Variants in ZNF724 observed in about 807,000 individuals in gnomAD.
ZNF724 encodes the protein zinc finger protein 724, also known as zinc finger protein 724 pseudogene.
In ZNF724, 14 loss-of-function variants were observed where a neutral mutation model predicts 29.3. The ratio of observed to expected loss-of-function variants is 0.48; its 90% CI spans 0.32 to 0.75. The LOEUF is 0.75. Ranked by LOEUF, ZNF724 falls within the 30% of genes least tolerant of loss-of-function variation. ZNF724 has a pLI of 0.04. For missense variants in ZNF724, 557 were observed against 571.2 expected, an observed-to-expected ratio of 0.98 and a Z score of 0.25; for synonymous variants, 180 against 193.6, an observed-to-expected ratio of 0.93 and a Z score of 0.58.
chr19:23,238,699 G>A (rs1972064158), intron 1 of ZNF724, among the ~76,000 whole-genome samples: 1 of 152,168 alleles, frequency 6.6e-6, no homozygotes, highest in African/African-American at 2.4e-5. Flanking sequence ...TAGATCACTT[G>A]AGGTCAGAAG....
At chr19:23,241,031 TCAACAA>T (rs759872431) in intron 1 of ZNF724, among the ~76,000 whole-genome samples, 2 of 151,358 alleles carry the variant, frequency 1.3e-5, no homozygotes, top group South Asian at 2.1e-4. Context: ...AGACTCCATC[TCAACAA>T]CAACAACAAC....
At chr19:23,232,094 A>G in intron 2 of ZNF724, 73 bp downstream of exon 2, 1 of 1,163,562 alleles carries the variant, frequency 8.6e-7, no homozygotes, top group Non-Finnish European at 1.3e-6. Context: ...ATCAATTACC[A>G]AAAAACATCC....
At chr19:23,228,229 C>G (rs1455730991) in intron 3 of ZNF724, among the ~76,000 whole-genome samples, 2 of 152,014 alleles carry the variant, frequency 1.3e-5, no homozygotes, top group Non-Finnish European at 2.9e-5. Context: ...ACAGGTGGGT[C>G]ACCTGAGGTC....
At chr19:23,244,861 A>G (rs928637739) in intron 1 of ZNF724, among the ~76,000 whole-genome samples, 1 of 152,230 alleles carries the variant, frequency 6.6e-6, no homozygotes, top group South Asian at 2.1e-4. Context: ...CTCAAGTTCA[A>G]TAACTTAATA....
chr19:23,224,360 C>G (rs1971785118), intron 3 of ZNF724, among the ~76,000 whole-genome samples: 1 of 152,052 alleles, frequency 6.6e-6, no homozygotes, highest in Non-Finnish European at 1.5e-5. Context: ...TTGCAGTGAG[C>G]TGATATCACA....
chr19:23,244,513 A>G (rs1236268056), intron 1 of ZNF724, among the ~76,000 whole-genome samples: 1 of 152,190 alleles, frequency 6.6e-6, no homozygotes, highest in Non-Finnish European at 1.5e-5. Flanking sequence ...CTGGAATCAG[A>G]AAACAATGGG....
chr19:23,231,603 A>T (rs1971934647), intron 2 of ZNF724, among the ~76,000 whole-genome samples: 1 of 152,190 alleles, frequency 6.6e-6, no homozygotes, highest in African/African-American at 2.4e-5. Context: ...ATTTTATGCC[A>T]CTAAATTTCT....
In ZNF724 at chr19:23,223,166, T is replaced by C. The variant is rs1199147320; in HGVS notation, c.1079A>G (p.His360Arg). ...ACATTTGTAAGGTTTCTCTCCAGTA[T>C]GAATTCTCTTATGTTGAGTAAGGGT... Reference protein sequence around the residue: ...SSTLTQHKRIHTGEKPYKCEE... With the variant: ...SSTLTQHKRIRTGEKPYKCEE... The change falls in exon 4 of 4, where the codon CAT becomes CGT. Residue 360 changes from histidine (H) to arginine (R), a missense_variant. By Grantham distance (29) the His-to-Arg change is conservative (BLOSUM62 0). Coordinates refer to ENST00000418100, the MANE Select transcript of ZNF724 (RefSeq NM_001355404.2). The C allele has an allele frequency of 1.6e-6, 2 of 1,281,760 alleles. No homozygotes were observed. The highest frequency in any genetic ancestry group is 1.2e-5 in the South Asian group (1 of 84,096). 79.4% of individuals were successfully genotyped at this position (1,281,760 alleles called of 1,614,324 possible). A position where few individuals can be genotyped will look rare whatever the true frequency, so the allele number is the denominator to read the frequency against.
intron 1 of ZNF724, among the ~76,000 whole-genome samples, chr19:23,239,908 G>T (rs895195587): frequency 3.3e-4 from 48 of 147,422 alleles, no homozygotes; most frequent in African/African-American, 1.3e-3. Flanking sequence ...GAAATGAAAA[G>T]TCATAGAAAA....
At chr19:23,230,485 C>T (rs1258025056) in intron 3 of ZNF724, among the ~76,000 whole-genome samples, 1 of 71,260 alleles carries the variant, frequency 1.4e-5, no homozygotes, top group Non-Finnish European at 2.9e-5. Flanking sequence ...AACTATATTT[C>T]AAGACTATAG....
chr19:23,230,918 T>C lies in ZNF724; in HGVS notation c.226+348A>G, dbSNP rs573897074. ...ATTTATCTGAGACGGAGTTTCGCTC[T>C]TGTTGCCCAGGCTGCAGTGCAATGG... On this transcript the variant is annotated intron_variant, in intron 3 of 3. Transcript: ENST00000418100. The C allele has an allele frequency of 2.3e-3, 354 of 156,898 alleles. 2 individuals are homozygous for C. Among genetic ancestry groups the C allele is most frequent in the African/African-American group, 7.4e-3 (310 of 41,750 alleles). 9.7% of individuals were successfully genotyped at this position (156,898 alleles called of 1,614,324 possible). A position where few individuals can be genotyped will look rare whatever the true frequency, so the allele number is the denominator to read the frequency against.
intron 3 of ZNF724, among the ~76,000 whole-genome samples, chr19:23,227,028 T>C (rs2145773904): frequency 6.6e-6 from 1 of 152,288 alleles, no homozygotes. Flanking sequence ...TAAAAAAGAA[T>C]TTGTCTAGAT....
rs530550872 is a variant in ZNF724, at chr19:23,224,238, C to G, written c.227-220G>C. 2.6e-5 allele frequency among the ~76,000 whole-genome samples: 4 copies of G among 152,140 alleles called. No homozygotes were observed. The East Asian group carries it at 7.7e-4, about 29-fold the overall frequency. ...ACCAGTCTGGCCAACTGGTGAGACC[C>G]ATCTTTACTAAAAAATACAAAAAAA... On this transcript the variant is annotated intron_variant, in intron 3 of 3. Transcript: ENST00000418100.
intron 1 of ZNF724, chr19:23,236,787 G>A (rs1972028127): frequency 6.6e-6 from 1 of 152,080 alleles, no homozygotes; most frequent in African/African-American, 2.4e-5. Flanking sequence ...TTGCTCTCTC[G>A]TCTCCTAGCC....
chr19:23,225,054 C>A (rs4932703), intron 3 of ZNF724, among the ~76,000 whole-genome samples: 129,493 of 152,122 alleles, frequency 0.85, 55,159 homozygotes, highest in South Asian at 0.93. Context: ...TTGATGGAAA[C>A]CAAGGATGCA....
Position 23,222,502 on chromosome 19 carries a change from C to T in ZNF724, c.1743G>A (p.Lys581=), listed in dbSNP as rs1371031419. The T allele has an allele frequency of 2.3e-6, 3 of 1,316,236 alleles. No individual in the cohort carries two copies. Among genetic ancestry groups the T allele is most frequent in the South Asian group, 1.2e-5 (1 of 84,670 alleles). The allele number at this position is 1,316,236 out of a possible 1,614,324, so 81.5% of individuals were successfully genotyped here. A position where few individuals can be genotyped will look rare whatever the true frequency, so the allele number is the denominator to read the frequency against. ...FNWSSTLTKH[K]VIHTGEKPYK... ...AGGGTTTCTCTCCAGTATGAATTAC[C>T]TTATGTTTAGTCAGAGTTGAGGACC... The change falls in exon 4 of 4, where the codon AAG becomes AAA. Residue 581 remains lysine, a synonymous_variant. Coordinates refer to ENST00000418100, the MANE Select transcript of ZNF724 (RefSeq NM_001355404.2).
intron 1 of ZNF724, among the ~76,000 whole-genome samples, chr19:23,246,398 T>C (rs1292343735): frequency 1.3e-5 from 2 of 152,196 alleles, no homozygotes; most frequent in Non-Finnish European, 2.9e-5. Flanking sequence ...GGATCACACC[T>C]GTAATCTCAG....
chr19:23,232,321 G>T, intron 1 of ZNF724, 28 bp from the exon 2 acceptor site: 3 of 1,148,406 alleles, frequency 2.6e-6, no homozygotes, highest in Non-Finnish European at 2.6e-6. Flanking sequence ...ACATATTTAC[G>T]AAGTGGCCAT....
At chr19:23,239,063 A>G (rs942000419) in intron 1 of ZNF724, among the ~76,000 whole-genome samples, 2 of 152,214 alleles carry the variant, frequency 1.3e-5, no homozygotes, top group Non-Finnish European at 2.9e-5. Flanking sequence ...CCATGAGTGC[A>G]TATGAATAAA....
Sources: allele counts gnomAD v4.1 joint callset (sites outside exome capture counted in the v4.1 genomes callset), GRCh38; gene constraint gnomAD v4.1.1; transcripts MANE v1.5; gene names NCBI Gene and HGNC (gene_info 2026-07-23, HGNC 2026-07-21).